NTN1: variants seen among roughly 807,000 people sequenced by gnomAD.
NTN1 encodes netrin-1.
In NTN1, 11 loss-of-function variants were observed where a neutral mutation model predicts 54.2. The observed-to-expected ratio is 0.20, with a 90% CI of 0.13 to 0.34. NTN1 has a LOEUF of 0.34. Among genes scored for constraint, NTN1 ranks in the 10% least tolerant of loss-of-function variants. NTN1 has a pLI of 1.00. For synonymous variants in NTN1, 371 were observed against 382.0 expected (o/e 0.97, Z 0.33); for missense variants, 740 against 893.1 (o/e 0.83, Z 2.18).
chr17:9,237,230 C>G (rs1191516822), intron 6 of NTN1, among the ~76,000 whole-genome samples: 1 of 152,156 alleles, frequency 6.6e-6, no homozygotes, highest in Non-Finnish European at 1.5e-5. Context: ...GGGTTGCTTT[C>G]CTCCAAGTCC....
chr17:9,224,355 G>A (rs914358572), intron 6 of NTN1, among the ~76,000 whole-genome samples: 1 of 152,194 alleles, frequency 6.6e-6, no homozygotes, highest in African/African-American at 2.4e-5. Context: ...GGCCGCCCTG[G>A]GCAATGGGGG....
intron 2 of NTN1, among the ~76,000 whole-genome samples, chr17:9,123,474 A>C (rs1433121826): frequency 6.6e-6 from 1 of 152,264 alleles, no homozygotes. Flanking sequence ...GACATATAAA[A>C]GTTAAAGTTG....
intron 2 of NTN1, among the ~76,000 whole-genome samples, chr17:9,111,326 T>C (rs2092189833): frequency 6.6e-6 from 1 of 152,236 alleles, no homozygotes; most frequent in Non-Finnish European, 1.5e-5. Context: ...AGTTAGGTCA[T>C]GGACATATCT....
intron 3 of NTN1, among the ~76,000 whole-genome samples, chr17:9,169,831 C>G (rs978052114): frequency 1.3e-5 from 2 of 152,192 alleles, no homozygotes; most frequent in African/African-American, 4.8e-5. Context: ...CACCATTGCA[C>G]TCCAGCCTGG....
At position 9,219,708 on chromosome 17, in the gene NTN1, C is replaced by T. The variant is rs1208006852; in HGVS notation, c.1412-1460C>T. Among the ~76,000 whole-genome samples, 1 of 152,210 alleles carries T rather than the reference C, an allele frequency of 6.6e-6. No homozygotes were observed. The highest frequency in any genetic ancestry group is 2.4e-5 in the African/African-American group (1 of 41,458). The stretch of plus-strand genomic sequence containing the variant: ...GGGTGCAGGTGGCACTGGGAGGCCT[C>T]TGCTTTCCTGCTTCGGCTTCCCCTT... On this transcript the variant is annotated intron_variant, in intron 5 of 6. Transcript: ENST00000173229. The surrounding 1 kb of genome is among the most constrained non-coding windows in gnomAD (Gnocchi z 4.5).
intron 5 of NTN1, among the ~76,000 whole-genome samples, chr17:9,201,316 T>C (rs1904779714): frequency 1.3e-5 from 2 of 152,156 alleles, no homozygotes; most frequent in African/African-American, 4.8e-5. Flanking sequence ...ACAGAGCTCA[T>C]CTCTGCTGTA....
chr17:9,231,774 A>G (rs1388966910), intron 6 of NTN1, among the ~76,000 whole-genome samples: 2 of 150,464 alleles, frequency 1.3e-5, no homozygotes, highest in African/African-American at 4.8e-5. Flanking sequence ...CACCTTCCAC[A>G]CCAAGCCTTC....
intron 2 of NTN1, among the ~76,000 whole-genome samples, chr17:9,110,642 G>T (rs770839806): frequency 1.7e-4 from 26 of 152,280 alleles, no homozygotes; most frequent in Non-Finnish European, 3.1e-4. Flanking sequence ...CACAAACTGG[G>T]TGGCTTAATA....
At chr17:9,208,400 T>C (rs1905022152) in intron 5 of NTN1, among the ~76,000 whole-genome samples, 2 of 152,168 alleles carry the variant, frequency 1.3e-5, no homozygotes, top group African/African-American at 4.8e-5. Flanking sequence ...CGCAGTCAGC[T>C]TATTGTCCAG....
intron 2 of NTN1, among the ~76,000 whole-genome samples, chr17:9,105,591 C>A (rs981885223): frequency 6.6e-6 from 1 of 152,112 alleles, no homozygotes; most frequent in African/African-American, 2.4e-5. Flanking sequence ...GTAAGGGCGC[C>A]TAGCTGAGAA....
intron 2 of NTN1, among the ~76,000 whole-genome samples, chr17:9,108,164 T>G (rs887300182): frequency 4.6e-5 from 7 of 152,184 alleles, no homozygotes; most frequent in Non-Finnish European, 7.3e-5. Context: ...GGGATAACTC[T>G]CAGAATTGTT....
chr17:9,169,852 G>A (rs1228114269), intron 3 of NTN1, among the ~76,000 whole-genome samples: 6 of 152,304 alleles, frequency 3.9e-5, no homozygotes, highest in East Asian at 3.9e-4. Context: ...GTGACAGGGC[G>A]AGACTCCGTC....
chr17:9,052,016 A>G (rs2091962179), intron 2 of NTN1, among the ~76,000 whole-genome samples: 1 of 150,154 alleles, frequency 6.7e-6, no homozygotes, highest in South Asian at 2.1e-4. Context: ...CTTGCTGCCT[A>G]GGCTGGTATG....
At position 9,107,435 on chromosome 17, in the gene NTN1, A is replaced by G. The variant is rs539943877; in HGVS notation, c.1019-55378A>G. Among the ~76,000 whole-genome samples the G allele has an allele frequency of 6.6e-5, 10 of 152,340 alleles. No individual in the cohort carries two copies. The East Asian group carries it at 1.9e-3, about 29-fold the overall frequency. On this transcript the variant is annotated intron_variant, in intron 2 of 6. Transcript: ENST00000173229. The stretch of plus-strand genomic sequence containing the variant: ...ACATGTGGGCACTTACTCCCCGGTT[A>G]TGACTGTTTCCAGATTATACATTGT...
At chr17:9,231,663 G>A (rs1905819922) in intron 6 of NTN1, among the ~76,000 whole-genome samples, 1 of 152,210 alleles carries the variant, frequency 6.6e-6, no homozygotes, top group Non-Finnish European at 1.5e-5. Flanking sequence ...GCACCTTGGT[G>A]GAGAAATGGG....
At chr17:9,115,033 G>A (rs1453744253) in intron 2 of NTN1, among the ~76,000 whole-genome samples, 1 of 152,092 alleles carries the variant, frequency 6.6e-6, no homozygotes, top group African/African-American at 2.4e-5. Flanking sequence ...TGGTAGGCTT[G>A]GAAGATGGGG....
the NTN1 span, among the ~76,000 whole-genome samples, chr17:9,009,132 C>CCCCCAAATAACATCTGTCCCCAGAG: frequency 6.6e-6 from 1 of 152,218 alleles, no homozygotes; most frequent in Admixed American, 6.5e-5. Context: ...ATGTACACTT[C>CCCCCAAATAACATCTGTCCCCAGAG]CCCCAAATAA....
At chr17:9,047,145 T>C (rs907985543) in intron 2 of NTN1, among the ~76,000 whole-genome samples, 32 of 152,340 alleles carry the variant, frequency 2.1e-4, no homozygotes, top group African/African-American at 6.3e-4. Flanking sequence ...TTGGAGGGCT[T>C]TTCCTCGCTG....
At chr17:9,029,155 G>T (rs984810601) in intron 2 of NTN1, among the ~76,000 whole-genome samples, 2 of 151,742 alleles carry the variant, frequency 1.3e-5, no homozygotes, top group African/African-American at 4.8e-5. Context: ...CCTGGGAGCT[G>T]TGGAGTTTAA....
Sources: allele counts gnomAD v4.1 joint callset (sites outside exome capture counted in the v4.1 genomes callset), GRCh38; gene constraint gnomAD v4.1.1; non-coding constraint Gnocchi (gnomAD v3.1); transcripts MANE v1.5; gene names NCBI Gene and HGNC (gene_info 2026-07-23, HGNC 2026-07-21).